RPS6KA2: variants seen among roughly 807,000 people sequenced by gnomAD.
RPS6KA2 encodes ribosomal protein S6 kinase alpha-2.
A neutral mutation model predicts 91.8 loss-of-function variants in RPS6KA2; 42 were observed. The observed-to-expected ratio is 0.46, with a 90% CI of 0.36 to 0.59. The LOEUF (loss-of-function observed/expected upper bound fraction) is 0.59, where lower values mean the gene tolerates loss of function less well. RPS6KA2 is among the 20% of genes least tolerant of loss of function. RPS6KA2 has a pLI of 0.00. For synonymous variants in RPS6KA2, 414 were observed against 393.6 expected (o/e 1.05, Z -0.61); for missense variants, 798 against 978.5 (o/e 0.82, Z 2.46).
chr6:166,446,385 C>T (rs1417244057), intron 14 of RPS6KA2, among the ~76,000 whole-genome samples: 2 of 152,218 alleles, frequency 1.3e-5, no homozygotes, highest in Admixed American at 6.5e-5. Flanking sequence ...CATTATTACC[C>T]ACTGTAGTCT....
chr6:166,599,430 T>C (rs1380728486), intron 1 of RPS6KA2, among the ~76,000 whole-genome samples: 1 of 152,204 alleles, frequency 6.6e-6, no homozygotes, highest in African/African-American at 2.4e-5. Flanking sequence ...AAATGATGAC[T>C]GGCAGATTAA....
At chr6:166,807,337 C>A (rs1779517451) in intron 2 of RPS6KA2, among the ~76,000 whole-genome samples, 1 of 152,198 alleles carries the variant, frequency 6.6e-6, no homozygotes, top group South Asian at 2.1e-4. Flanking sequence ...TGGTATCAAT[C>A]CCTCAGAAAA....
intron 2 of RPS6KA2, among the ~76,000 whole-genome samples, chr6:166,643,605 T>C (rs1787516752): frequency 1.3e-5 from 2 of 152,256 alleles, no homozygotes; most frequent in South Asian, 2.1e-4. Flanking sequence ...GACAAATCCA[T>C]TATTATTTAG....
intron 2 of RPS6KA2, among the ~76,000 whole-genome samples, chr6:166,824,274 G>C (rs112752538): frequency 1.8e-4 from 27 of 152,320 alleles, no homozygotes; most frequent in African/African-American, 6.3e-4. Flanking sequence ...CAGAGATAGA[G>C]ATGTGGTATG....
rs1166520696 is a variant in RPS6KA2, at chr6:166,648,011, T to C, written c.124-109227A>G. Among the ~76,000 whole-genome samples the C allele has an allele frequency of 7.7e-6, 1 of 129,566 alleles. No homozygotes were observed. The highest frequency in any genetic ancestry group is 7.7e-5 in the Admixed American group (1 of 13,054). 85.0% of individuals were successfully genotyped at this position (129,566 alleles called of 152,430 possible). ...ACACGCACATGCTCACACACGCACA[T>C]GCTTACACACATACATACACACATG... On this transcript the variant is annotated intron_variant, in intron 2 of 21. Coordinates refer to the RPS6KA2 transcript ENST00000503859. The surrounding 1 kb of genome is among the most constrained non-coding windows in gnomAD (Gnocchi z 4.8).
chr6:166,810,744 C>T (rs554381066), intron 2 of RPS6KA2, among the ~76,000 whole-genome samples: 2 of 152,340 alleles, frequency 1.3e-5, no homozygotes, highest in African/African-American at 4.8e-5. Context: ...TAGCAACTCA[C>T]AAGGTCACAA....
chr6:166,582,665 CA>C lies in RPS6KA2; in HGVS notation c.100-43882del, dbSNP rs542272862. 7.9e-5 allele frequency among the ~76,000 whole-genome samples: 12 copies of C among 152,008 alleles called. 1 individual carries two copies. In the South Asian group the frequency reaches 2.1e-3, roughly 26 times the overall value. Reference sequence around the variant, plus strand: ...TTTATTTTCTCCACAGAAAAAGTGCCAAAAAATGGGCAGTAATAAAATTTCC... The same window carrying C: ...TTTATTTTCTCCACAGAAAAAGTGCCAAAAATGGGCAGTAATAAAATTTCC... On this transcript the variant is annotated intron_variant, in intron 1 of 20. Coordinates refer to ENST00000265678, the MANE Select transcript of RPS6KA2 (RefSeq NM_021135.6).
At position 166,710,611 on chromosome 6, in the gene RPS6KA2, G is replaced by T. The variant is rs373769067; in HGVS notation, c.123+147589C>A. Among the ~76,000 whole-genome samples the T allele has an allele frequency of 2.0e-5, 3 of 152,006 alleles. No individual in the cohort carries two copies. In the East Asian group the frequency reaches 5.8e-4, roughly 29 times the overall value. On this transcript the variant is annotated intron_variant, in intron 2 of 21. Coordinates refer to the RPS6KA2 transcript ENST00000503859. ...TATCTCTTTTGATTACATCCTGGAG[G>T]TGCATGTGTTATGCATCCTTCTTCT...
chr6:166,568,087 A>G (rs1458134743), intron 1 of RPS6KA2, among the ~76,000 whole-genome samples: 2 of 152,178 alleles, frequency 1.3e-5, no homozygotes, highest in African/African-American at 4.8e-5. Flanking sequence ...CTGCTCTCGT[A>G]ACCAAGAGAA....
At chr6:166,482,002 G>A (rs367680484) in intron 10 of RPS6KA2, among the ~76,000 whole-genome samples, 6 of 150,498 alleles carry the variant, frequency 4.0e-5, no homozygotes, top group East Asian at 2.0e-4. Context: ...CTCTCTGATC[G>A]ATCTTAAAGT....
chr6:166,778,448 C>G (rs1184041173), intron 2 of RPS6KA2, among the ~76,000 whole-genome samples: 1 of 152,188 alleles, frequency 6.6e-6, no homozygotes, highest in Non-Finnish European at 1.5e-5. Context: ...TTAAACAACT[C>G]AGAACGCCAT....
At chr6:166,658,171 T>C (rs1446037527) in intron 2 of RPS6KA2, among the ~76,000 whole-genome samples, 1 of 152,182 alleles carries the variant, frequency 6.6e-6, no homozygotes, top group Non-Finnish European at 1.5e-5. Context: ...CATGAGCCAC[T>C]GTGGCCAGCC....
chr6:166,831,225 A>G (rs1780174981), intron 2 of RPS6KA2, among the ~76,000 whole-genome samples: 2 of 151,862 alleles, frequency 1.3e-5, no homozygotes, highest in African/African-American at 2.4e-5. Flanking sequence ...TGCGCACCTC[A>G]CTAAACTTGC....
At chr6:166,414,417 T>G (rs897592343) in intron 19 of RPS6KA2, among the ~76,000 whole-genome samples, 1 of 152,232 alleles carries the variant, frequency 6.6e-6, no homozygotes, top group Non-Finnish European at 1.5e-5. Flanking sequence ...AGTGGGTTCA[T>G]GTGCAATAAT....
intron 2 of RPS6KA2, among the ~76,000 whole-genome samples, chr6:166,680,417 C>T (rs535168332): frequency 7.9e-5 from 12 of 152,308 alleles, no homozygotes; most frequent in Admixed American, 1.3e-4. Flanking sequence ...AAGCAGGCCG[C>T]CCCAGCCAGG....
At position 166,783,063 on chromosome 6, in the gene RPS6KA2, T is replaced by G. The variant is rs1245536173; in HGVS notation, c.123+75137A>C. ...TATCTTTTAGGTATTATTATTATTATTATTATTATTATTATTATTATTATT... is the reference window on the plus strand; with the variant it reads ...TATCTTTTAGGTATTATTATTATTAGTATTATTATTATTATTATTATTATT... On this transcript the variant is annotated intron_variant, in intron 2 of 21. Transcript: ENST00000503859. 3.6e-3 allele frequency among the ~76,000 whole-genome samples: 287 copies of G among 79,302 alleles called. 2 individuals carry two copies. Among genetic ancestry groups the G allele is most frequent in the African/African-American group, 0.015 (272 of 18,286 alleles). The allele number at this position is 79,302 out of a possible 152,430, so 52.0% of individuals were successfully genotyped here. A position where few individuals can be genotyped will look rare whatever the true frequency, so the allele number is the denominator to read the frequency against.
At position 166,858,198 on chromosome 6, in the gene RPS6KA2, A is replaced by G; in HGVS notation, c.123+2T>C. 1 of 1,504,908 alleles carries G rather than the reference A, an allele frequency of 6.6e-7. No individual in the cohort carries two copies. Among genetic ancestry groups the G allele is most frequent in the African/African-American group, 1.3e-5 (1 of 74,268 alleles). 93.2% of individuals were successfully genotyped at this position (1,504,908 alleles called of 1,614,324 possible). ...AGAGTGTAATAAAACGTGTATAGTT[A>G]CTTCTTCTGCAGTGTCTTCTGTGGT... On this transcript the variant is annotated splice_donor_variant, in intron 2 of 21. Transcript: ENST00000503859. LOFTEE classifies it high-confidence loss of function.
chr6:166,718,272 C>T (rs1790076451), intron 2 of RPS6KA2, among the ~76,000 whole-genome samples: 1 of 152,188 alleles, frequency 6.6e-6, no homozygotes. Flanking sequence ...CACAGGGCAC[C>T]ATGCAGACTG....
intron 15 of RPS6KA2, among the ~76,000 whole-genome samples, chr6:166,432,133 A>G (rs1026996124): frequency 5.9e-5 from 9 of 152,112 alleles, no homozygotes; most frequent in South Asian, 4.2e-4. Flanking sequence ...ATGGGCCTCT[A>G]TGAGAGACTC....
Sources: allele counts gnomAD v4.1 joint callset (sites outside exome capture counted in the v4.1 genomes callset), GRCh38; gene constraint gnomAD v4.1.1; non-coding constraint Gnocchi (gnomAD v3.1); transcripts MANE v1.5; gene names NCBI Gene and HGNC (gene_info 2026-07-23, HGNC 2026-07-21).